Variants in MED12L observed in about 807,000 individuals in gnomAD.
MED12L encodes mediator complex subunit 12L, also known as mediator of RNA polymerase II transcription subunit 12-like protein.
MED12L carries 60 observed loss-of-function variants against 281.3 expected under a neutral mutation model. The observed-to-expected ratio is 0.21, with a 90% CI of 0.17 to 0.26. The LOEUF is 0.26. Ranked by LOEUF, MED12L falls within the 10% of genes least tolerant of loss-of-function variation. MED12L has a pLI of 1.00. For synonymous variants in MED12L, 974 were observed against 987.2 expected, an observed-to-expected ratio of 0.99 and a Z score of 0.25; for missense variants, 2,146 against 2,680.9, an observed-to-expected ratio of 0.80 and a Z score of 4.41.
intron 16 of MED12L, among the ~76,000 whole-genome samples, chr3:151,310,949 G>C (rs1432422935): frequency 3.3e-5 from 5 of 152,184 alleles, no homozygotes; most frequent in Admixed American, 3.3e-4. Context: ...TTTAAGGGTA[G>C]AGTTGTTTGG....
chr3:151,369,279 G>A (rs951619892), intron 25 of MED12L, among the ~76,000 whole-genome samples, 157 bp from the exon 26 acceptor site: 5 of 152,190 alleles, frequency 3.3e-5, no homozygotes, highest in Non-Finnish European at 5.9e-5. Context: ...AGGAATACTG[G>A]CCATGTTTCT....
chr3:151,182,471 G>A (rs561342134), intron 11 of MED12L, among the ~76,000 whole-genome samples: 2 of 152,298 alleles, frequency 1.3e-5, no homozygotes, highest in East Asian at 1.9e-4. Context: ...AAATGAAATA[G>A]CATGACGTTT....
At position 151,411,379 on chromosome 3, in the gene MED12L, C is replaced by A; in HGVS notation, c.6012C>A (p.Ser2004=). ...TGGTCCTGTCTCCCAGCTATAACTC[C>A]AGAGCCTATCCGGCCGCACATTCCA... ...GSVVLSPSYN[S]RAYPAAHSNP... is the part of the protein sequence containing the mutation. Residue 2004 remains serine, a synonymous_variant, in exon 41 of 45, where the codon TCC becomes TCA. Coordinates refer to ENST00000687756, the MANE Select transcript of MED12L (RefSeq NM_001393769.1). 1 of 1,614,186 alleles carries A rather than the reference C, an allele frequency of 6.2e-7. No individual in the cohort carries two copies. The highest frequency in any genetic ancestry group is 8.5e-7 in the Non-Finnish European group (1 of 1,180,032).
Position 151,271,240 on chromosome 3 carries a change from G to C in MED12L, c.2250+77574G>C, listed in dbSNP as rs999387912. Among the ~76,000 whole-genome samples the C allele has an allele frequency of 1.3e-4, 20 of 152,252 alleles. 1 individual carries two copies. The highest frequency in any genetic ancestry group is 9.8e-4 in the Admixed American group (15 of 15,282). ...AAACAAATAATTCACAAAGGAAGCTGTTTGGTCAAGGAGCACATGAAAAGA... is the reference window on the plus strand; with the variant it reads ...AAACAAATAATTCACAAAGGAAGCTCTTTGGTCAAGGAGCACATGAAAAGA... On this transcript the variant is annotated intron_variant, in intron 16 of 44. Coordinates refer to ENST00000687756, the MANE Select transcript of MED12L (RefSeq NM_001393769.1).
chr3:151,368,219 C>T lies in MED12L; in HGVS notation c.3518C>T (p.Ala1173Val). 3 of 1,614,088 alleles carry T rather than the reference C, an allele frequency of 1.9e-6. No individual in the cohort carries two copies. The highest frequency in any genetic ancestry group is 2.5e-6 in the Non-Finnish European group (3 of 1,179,970). The change falls in exon 25 of 45, where the codon GCT becomes GTT. Residue 1173 changes from alanine (A) to valine (V), a missense_variant. Around this residue, in one of 9 missense-constraint regions of MED12L, gnomAD observed 404 missense variants for 603.5 expected, o/e 0.67. Transcript: ENST00000687756. Reference protein sequence around the residue: ...TCRLLLHLFRAPQACFLPQAT... With the variant: ...TCRLLLHLFRVPQACFLPQAT... ...CGACTCTTGCTTCATCTCTTCCGAG[C>T]TCCCCAGGCCTGCTTCTTACCTCAA...
intron 5 of MED12L, among the ~76,000 whole-genome samples, chr3:151,145,347 G>T (rs1251148795): frequency 6.6e-6 from 1 of 152,162 alleles, no homozygotes; most frequent in Non-Finnish European, 1.5e-5. Flanking sequence ...TGTCTGCTAG[G>T]TACTTCTGTA....
intron 2 of MED12L, among the ~76,000 whole-genome samples, chr3:151,105,252 C>T (rs1721866663): frequency 6.6e-6 from 1 of 152,144 alleles, no homozygotes; most frequent in Non-Finnish European, 1.5e-5. Flanking sequence ...CCTTCATCGC[C>T]TTCTTCCTTG....
In MED12L at chr3:151,366,291, G is replaced by GT. The variant is rs564672897; in HGVS notation, c.3327+306dup. On this transcript the variant is annotated intron_variant, in intron 23 of 44. Coordinates refer to ENST00000687756, the MANE Select transcript of MED12L (RefSeq NM_001393769.1). Reference sequence around the variant, plus strand: ...CCATATGGATGGTCTCTTCAGAGCTGTTTTTTCTTTTTACCAACTGCCCTG... The same window carrying GT: ...CCATATGGATGGTCTCTTCAGAGCTGTTTTTTTCTTTTTACCAACTGCCCTG... Among the ~76,000 whole-genome samples the GT allele has an allele frequency of 1.1e-3, 163 of 152,286 alleles. 4 individuals carry two copies. The South Asian group carries it at 0.012, about 11-fold the overall frequency.
Position 151,434,673 on chromosome 3 carries a change from A to C in MED12L, c.*1869A>C, listed in dbSNP as rs1719895283. On this transcript the variant is annotated 3_prime_UTR_variant, in exon 45 of 45. Coordinates refer to ENST00000687756, the MANE Select transcript of MED12L (RefSeq NM_001393769.1). ...CATTGGCAAATCAACCGAAATGTGAATGTTGTGCCTAGTGAGTGAGTCATG... is the reference window on the plus strand; with the variant it reads ...CATTGGCAAATCAACCGAAATGTGACTGTTGTGCCTAGTGAGTGAGTCATG... The C allele has an allele frequency of 6.6e-6, 1 of 152,220 alleles. No homozygotes were observed. The highest frequency in any genetic ancestry group is 1.5e-5 in the Non-Finnish European group (1 of 68,042). The allele number at this position is 152,220 out of a possible 1,614,324, so 9.4% of individuals were successfully genotyped here. A position where few individuals can be genotyped will look rare whatever the true frequency, so the allele number is the denominator to read the frequency against.
At chr3:151,399,928 G>A (rs62285912) in intron 39 of MED12L, among the ~76,000 whole-genome samples, 9,982 of 152,046 alleles carry the variant, frequency 0.066, 484 homozygotes, top group Middle Eastern at 0.18. Context: ...CCGGGTTCAA[G>A]CGATTCTCCT....
At chr3:151,238,432 C>A (rs1157552727) in intron 16 of MED12L, among the ~76,000 whole-genome samples, 1 of 152,232 alleles carries the variant, frequency 6.6e-6, no homozygotes, top group Non-Finnish European at 1.5e-5. Context: ...CAGGCGTGAG[C>A]CACCGCGCCC....
rs1003935093 is a variant in MED12L, at chr3:151,129,962, T to G, written c.556+1978T>G. Among the ~76,000 whole-genome samples the G allele has an allele frequency of 4.2e-4, 64 of 152,192 alleles. 1 individual carries two copies. The highest frequency in any genetic ancestry group is 1.4e-3 in the African/African-American group (57 of 41,510). ...TCTTTAATGTTTTGTAGAGACAGGG[T>G]CTCACTGTGTTGCCCAGGCTTTTTT... is the stretch of plus-strand genomic sequence containing the variant. On this transcript the variant is annotated intron_variant, in intron 5 of 44. Coordinates refer to ENST00000687756, the MANE Select transcript of MED12L (RefSeq NM_001393769.1).
At chr3:151,188,298 G>A (rs1576919425) in intron 12 of MED12L, 56 bp from the exon 13 acceptor site, 1 of 1,370,048 alleles carries the variant, frequency 7.3e-7, no homozygotes, top group East Asian at 2.3e-5. Flanking sequence ...ACAAATTCAT[G>A]ATCTGTTATG....
intron 2 of MED12L, among the ~76,000 whole-genome samples, chr3:151,109,003 G>T (rs548306561): frequency 7.2e-5 from 11 of 152,172 alleles, no homozygotes; most frequent in Admixed American, 2.6e-4. Context: ...GAAGTTCAAG[G>T]TAAATGCATG....
chr3:151,225,678 C>T (rs192023511), intron 16 of MED12L, among the ~76,000 whole-genome samples: 21 of 152,248 alleles, frequency 1.4e-4, no homozygotes, highest in Non-Finnish European at 2.2e-4. Context: ...CACTCTTGTC[C>T]GTGCCCTGTC....
At chr3:151,204,450 A>AT (rs984633995) in intron 16 of MED12L, among the ~76,000 whole-genome samples, 2 of 152,152 alleles carry the variant, frequency 1.3e-5, no homozygotes, top group African/African-American at 4.8e-5. Context: ...TATAATTATT[A>AT]TTTTTGCCAG....
At chr3:151,331,869 A>G (rs923173520) in intron 16 of MED12L, among the ~76,000 whole-genome samples, 2 of 152,222 alleles carry the variant, frequency 1.3e-5, no homozygotes, top group Non-Finnish European at 2.9e-5. Context: ...TCCCCATATC[A>G]TGCAACCCAA....
At chr3:151,292,562 C>A (rs1016324637) in intron 16 of MED12L, among the ~76,000 whole-genome samples, 3 of 151,418 alleles carry the variant, frequency 2.0e-5, no homozygotes, top group African/African-American at 7.3e-5. Context: ...TGAGCCACTG[C>A]GCGCAGCTTG....
chr3:151,401,929 G>C (rs1715730522), intron 39 of MED12L, among the ~76,000 whole-genome samples: 1 of 152,156 alleles, frequency 6.6e-6, no homozygotes. Context: ...CTAAAATTAT[G>C]ATTAGGCAGA....
Sources: gnomAD v4.1 joint callset for allele counts (sites outside exome capture counted in the v4.1 genomes callset) on GRCh38, gnomAD v4.1.1 for gene constraint, gnomAD v4.1.1 regional missense constraint, MANE v1.5 for transcripts, NCBI Gene and HGNC (gene_info 2026-07-23, HGNC 2026-07-21) for gene names.